RTTN: variants seen among roughly 807,000 people sequenced by gnomAD.
RTTN encodes the protein rotatin.
In RTTN, 182 loss-of-function variants were observed where a neutral mutation model predicts 269.2. The observed-to-expected ratio is 0.68, with a 90% confidence interval of 0.60 to 0.76. The LOEUF (loss-of-function observed/expected upper bound fraction) is 0.76. Ranked by LOEUF, RTTN falls within the 30% of genes least tolerant of loss-of-function variation. The pLI is 0.00. For synonymous variants in RTTN, 1,006 were observed against 963.5 expected (o/e 1.04, Z -0.82); for missense variants, 2,545 against 2,608.6 (o/e 0.98, Z 0.53).
intron 28 of RTTN, among the ~76,000 whole-genome samples, chr18:70,102,957 C>T (rs1212922555): frequency 1.3e-5 from 2 of 149,180 alleles, no homozygotes; most frequent in South Asian, 2.1e-4. Flanking sequence ...AAGTGAGGAG[C>T]GCCTCTGCCC....
chr18:70,089,505 G>T (rs1268548960), intron 30 of RTTN, among the ~76,000 whole-genome samples: 1 of 152,214 alleles, frequency 6.6e-6, no homozygotes, highest in Non-Finnish European at 1.5e-5. Flanking sequence ...CACTAATACA[G>T]ATTTTTGTAC....
chr18:70,166,135 A>G lies in RTTN; in HGVS notation c.1856T>C (p.Leu619Pro), dbSNP rs1351590707. The G allele has an allele frequency of 6.2e-7, 1 of 1,613,726 alleles. No homozygotes were observed. The highest frequency in any genetic ancestry group is 1.3e-5 in the African/African-American group (1 of 74,932). ...CAATGGGTGAGACAACATATGGAGA[A>G]GCACCTTCTGACTTTCTCCTTGTAG... ...PLLQGESQKVLLHMLSHPLPR... is the reference protein window; with the variant it reads ...PLLQGESQKVPLHMLSHPLPR... The change falls in exon 14 of 49, where the codon CTT becomes CCT. Residue 619 changes from leucine (L) to proline (P), a missense_variant. Transcript: ENST00000640769.
intron 15 of RTTN, 138 bp downstream of exon 15, chr18:70,150,469 AC>A: frequency 1.4e-6 from 1 of 739,790 alleles, no homozygotes; most frequent in African/African-American, 1.8e-5. Context: ...TTTAAATAAC[AC>A]TTCAACTGAA....
intron 40 of RTTN, chr18:70,031,385 C>G (rs1211321287): frequency 5.0e-6 from 2 of 399,220 alleles, no homozygotes; most frequent in Non-Finnish European, 8.8e-6. Flanking sequence ...GACACATTCC[C>G]CTCTCTCCAT....
rs536292399 is a variant in RTTN, at chr18:70,067,251, C to G, written c.4654-1329G>C. Among the ~76,000 whole-genome samples the G allele has an allele frequency of 2.8e-3, 420 of 152,004 alleles. 1 individual carries two copies. The highest frequency in any genetic ancestry group is 4.9e-3 in the Non-Finnish European group (332 of 67,968). On this transcript the variant is annotated intron_variant, in intron 34 of 48. Transcript: ENST00000640769. ...CTCGGCTCACTGCAAGCTCCGCCTC[C>G]CGGGTTCACGCCATTCTCCTGCCTC...
At position 70,048,012 on chromosome 18, in the gene RTTN, T is replaced by C. The variant is rs200169343; in HGVS notation, c.5500A>G (p.Asn1834Asp). ...CTAAGTTGTTCTAGAGATTTCTGATTTTCCTGAGAGTCATCAAGAAGTGAA... is the reference window on the plus strand; with the variant it reads ...CTAAGTTGTTCTAGAGATTTCTGATCTTCCTGAGAGTCATCAAGAAGTGAA... ...VASLLDDSQENQKSLEQLSDV... is the reference protein window; with the variant it reads ...VASLLDDSQEDQKSLEQLSDV... The change falls in exon 40 of 49, where the codon AAT (asparagine) becomes GAT (aspartate). Residue 1834 changes from asparagine to aspartate, a missense_variant. By Grantham distance (23) the Asn-to-Asp change is conservative. Transcript: ENST00000640769. 120 of 1,614,128 alleles carry C rather than the reference T, an allele frequency of 7.4e-5. No individual in the cohort carries two copies. The highest frequency in any genetic ancestry group is 5.0e-4 in the Middle Eastern group (3 of 6,060).
At chr18:70,014,718 A>C (rs2056488538) in intron 46 of RTTN, among the ~76,000 whole-genome samples, 2 of 152,016 alleles carry the variant, frequency 1.3e-5, no homozygotes, top group Admixed American at 6.6e-5. Context: ...TGGGAAACCA[A>C]CTTATTTTTG....
Position 70,105,065 on chromosome 18 carries a change from C to T in RTTN, c.3903+4433G>A, listed in dbSNP as rs1241544742. Among the ~76,000 whole-genome samples the T allele has an allele frequency of 2.0e-5, 3 of 152,314 alleles. No individual in the cohort carries two copies. In the South Asian group the frequency reaches 6.2e-4, roughly 32 times the overall value. On this transcript the variant is annotated intron_variant, in intron 28 of 48. Coordinates refer to ENST00000640769, the MANE Select transcript of RTTN (RefSeq NM_173630.4). Reference sequence around the variant, plus strand: ...TTTAAGTCTACAGAGGTTTCTGCTGCCTTTTGTTCAGCTATGCCCTGCCCC... The same window carrying T: ...TTTAAGTCTACAGAGGTTTCTGCTGTCTTTTGTTCAGCTATGCCCTGCCCC...
At chr18:70,149,540 T>TAAAA (rs146561568) in intron 16 of RTTN, among the ~76,000 whole-genome samples, 1 of 145,382 alleles carries the variant, frequency 6.9e-6, no homozygotes, top group Non-Finnish European at 1.5e-5. Context: ...GATTGCTTTT[T>TAAAA]TAAAAAAAAA....
chr18:70,042,366 C>CTTTTTTTTTTTTTTTT (rs1017125527), intron 40 of RTTN, among the ~76,000 whole-genome samples: 1 of 78,066 alleles, frequency 1.3e-5, no homozygotes, highest in African/African-American at 4.9e-5. Flanking sequence ...TTGGAATTTT[C>CTTTTTTTTTTTTTTTT]TTTTTTTTTT....
At chr18:70,118,196 T>C (rs1014670797) in intron 26 of RTTN, among the ~76,000 whole-genome samples, 1 of 151,456 alleles carries the variant, frequency 6.6e-6, no homozygotes, top group Non-Finnish European at 1.5e-5. Flanking sequence ...TTTGAAAAGA[T>C]GAACAAAATT....
intron 34 of RTTN, 22 bp from the exon 35 acceptor site, chr18:70,065,944 T>C: frequency 2.0e-6 from 3 of 1,511,364 alleles, no homozygotes; most frequent in African/African-American, 1.4e-5. Context: ...TAAATTATTT[T>C]ACTTATTAAT....
rs189090744 is a variant in RTTN at position 70,087,542 on chromosome 18, A to C, written c.4302+447T>G. Among the ~76,000 whole-genome samples the C allele has an allele frequency of 3.0e-3, 450 of 152,300 alleles. 5 individuals carry two copies. The highest frequency in any genetic ancestry group is 0.01 in the African/African-American group (428 of 41,564). On this transcript the variant is annotated intron_variant, in intron 31 of 48. Coordinates refer to ENST00000640769, the MANE Select transcript of RTTN (RefSeq NM_173630.4). The stretch of plus-strand genomic sequence containing the variant: ...CATTTACATGAATCATTACTTTAAC[A>C]AAAGCAGCAATAAAAAAAAACCACA...
At chr18:70,167,628 C>A (rs1485172994) in intron 12 of RTTN, among the ~76,000 whole-genome samples, 1 of 149,970 alleles carries the variant, frequency 6.7e-6, no homozygotes, top group African/African-American at 2.5e-5. Context: ...GAGGCTGAGG[C>A]GGGAGGTGGA....
intron 3 of RTTN, among the ~76,000 whole-genome samples, 159 bp downstream of exon 3, chr18:70,203,927 T>C (rs1315439643): frequency 6.6e-6 from 1 of 151,994 alleles, no homozygotes; most frequent in Non-Finnish European, 1.5e-5. Context: ...TGACTAACAG[T>C]AGAGGAGGGG....
chr18:70,162,379 C>A (rs9989542), intron 14 of RTTN, among the ~76,000 whole-genome samples: 2 of 152,038 alleles, frequency 1.3e-5, no homozygotes, highest in African/African-American at 4.8e-5. Flanking sequence ...GGGAAGAGAA[C>A]GTATTAGCCT....
chr18:70,164,479 G>A (rs946843572), intron 14 of RTTN, among the ~76,000 whole-genome samples: 2 of 151,544 alleles, frequency 1.3e-5, no homozygotes, highest in African/African-American at 4.9e-5. Context: ...CTTCCCAAAT[G>A]CTGGGATTAC....
chr18:70,102,621 TA>T (rs1019194446), intron 28 of RTTN, among the ~76,000 whole-genome samples: 6 of 152,180 alleles, frequency 3.9e-5, no homozygotes, highest in African/African-American at 1.4e-4. Flanking sequence ...ATCATGATGT[TA>T]GCTGGTTATT....
At chr18:70,165,943 T>C in intron 14 of RTTN, 119 bp downstream of exon 14, 1 of 926,512 alleles carries the variant, frequency 1.1e-6, no homozygotes, top group Non-Finnish European at 1.5e-6. Context: ...TCATCTACTT[T>C]TATGGGATAT....
Sources: gnomAD v4.1 joint callset for allele counts (sites outside exome capture counted in the v4.1 genomes callset) on GRCh38, gnomAD v4.1.1 for gene constraint, MANE v1.5 for transcripts, NCBI Gene and HGNC (gene_info 2026-07-23, HGNC 2026-07-21) for gene names.